ORC3: variants seen among roughly 807,000 people sequenced by gnomAD.
ORC3 encodes homolog of latheo, Drosophila.
Under a neutral mutation model 100.7 loss-of-function variants are expected in ORC3, and 78 were observed. That is an observed-to-expected ratio of 0.77 (90% CI 0.65 to 0.94). The LOEUF is 0.94. ORC3 is among the 40% of genes least tolerant of loss of function. The pLI, the probability that ORC3 is intolerant of heterozygous loss-of-function variation, is 0.00. For synonymous variants in ORC3, 295 were observed against 289.3 expected (o/e 1.02, Z -0.20); for missense variants, 789 against 823.9 (o/e 0.96, Z 0.52).
chr6:87,593,824 G>C (rs1777222597), intron 1 of ORC3, among the ~76,000 whole-genome samples: 1 of 152,228 alleles, frequency 6.6e-6, no homozygotes, highest in African/African-American at 2.4e-5. Flanking sequence ...AGCCTCCCGA[G>C]TAGCTGGGAT....
In ORC3 at chr6:87,651,865, CTGG is replaced by C. The variant is rs1277087933; in HGVS notation, c.1383-1250_1383-1248del. ...AGTTGTATTACAAAATGCCCACATTCTGGATTTGTCTGTTACTTCATGGTTAAT... is the reference window on the plus strand; with the variant it reads ...AGTTGTATTACAAAATGCCCACATTCATTTGTCTGTTACTTCATGGTTAAT... On this transcript the variant is annotated intron_variant, in intron 13 of 19. Transcript: ENST00000392844. Among the ~76,000 whole-genome samples, 25 of 151,080 alleles carry C rather than the reference CTGG, an allele frequency of 1.7e-4. 1 individual carries two copies. The South Asian group carries it at 5.2e-3, about 32-fold the overall frequency.
intron 4 of ORC3, 58 bp downstream of exon 4, chr6:87,603,586 T>G: frequency 1.7e-6 from 2 of 1,193,116 alleles, no homozygotes; most frequent in Non-Finnish European, 2.3e-6. Context: ...TTTTAAATTT[T>G]TTTTTATTGT....
Position 87,640,789 on chromosome 6 carries a change from G to A in ORC3, c.1382+4303G>A, listed in dbSNP as rs183933325. Among the ~76,000 whole-genome samples, 5 of 152,178 alleles carry A rather than the reference G, an allele frequency of 3.3e-5. No homozygotes were observed. In the East Asian group the frequency reaches 9.6e-4, roughly 29 times the overall value. ...AATTCACTGAACCTTGCATAAATAAGGTTTTAAGGGTTATTGTAAATCAGA... is the reference window on the plus strand; with the variant it reads ...AATTCACTGAACCTTGCATAAATAAAGTTTTAAGGGTTATTGTAAATCAGA... On this transcript the variant is annotated intron_variant, in intron 13 of 19. Transcript: ENST00000392844.
rs1449802395 is a variant in ORC3, at chr6:87,645,993, TTC to T, written c.1383-7121_1383-7120del. ...TTTTTTCTTTTTTTTTCTTTTTTTT[TTC>T]TTTTTTTTTGAGGCGGAGTCTTGCG... On this transcript the variant is annotated intron_variant, in intron 13 of 19. Transcript: ENST00000392844. 1.3e-4 allele frequency among the ~76,000 whole-genome samples: 19 copies of T among 145,954 alleles called. 5 individuals are homozygous for T. The highest frequency in any genetic ancestry group is 2.3e-4 in the African/African-American group (9 of 38,682).
the ORC3 span, among the ~76,000 whole-genome samples, chr6:87,672,496 T>C: frequency 2.6e-5 from 4 of 152,206 alleles, no homozygotes; most frequent in African/African-American, 7.2e-5. Context: ...GTGGGAGCCA[T>C]GTATCCATGA....
At position 87,644,726 on chromosome 6, in the gene ORC3, A is replaced by ATAAT. The variant is rs1363938522; in HGVS notation, c.1382+8242_1382+8245dup. ...TAGCCTGGCGTGGTGGCGTGTGCCTATAATTCCAGCTACTCTGGAGACTGA... is the reference window on the plus strand; with the variant it reads ...TAGCCTGGCGTGGTGGCGTGTGCCTATAATTAATTCCAGCTACTCTGGAGACTGA... On this transcript the variant is annotated intron_variant, in intron 13 of 19. Transcript: ENST00000392844. Among the ~76,000 whole-genome samples, 4 of 152,178 alleles carry ATAAT rather than the reference A, an allele frequency of 2.6e-5. No individual in the cohort carries two copies. In the East Asian group the frequency reaches 7.8e-4, roughly 30 times the overall value.
intron 16 of ORC3, among the ~76,000 whole-genome samples, chr6:87,658,324 G>C (rs1349602787): frequency 6.6e-6 from 1 of 152,048 alleles, no homozygotes; most frequent in Admixed American, 6.5e-5. Flanking sequence ...GGGTGTGGTG[G>C]TGGGCACCTG....
At chr6:87,676,584 G>A in the ORC3 span, among the ~76,000 whole-genome samples, 5 of 117,610 alleles carry the variant, frequency 4.3e-5, no homozygotes, top group South Asian at 2.6e-4. Flanking sequence ...GTGAAACCCC[G>A]TCTCTACTAA....
chr6:87,603,014 C>G (rs1328990533), intron 3 of ORC3, among the ~76,000 whole-genome samples: 1 of 133,926 alleles, frequency 7.5e-6, no homozygotes, highest in Non-Finnish European at 1.6e-5. Context: ...AGGTCTTGCT[C>G]TGTCACCCAG....
At chr6:87,675,819 G>A in the ORC3 span, 1 of 1,559,962 alleles carries the variant, frequency 6.4e-7, no homozygotes, top group Non-Finnish European at 8.8e-7. Context: ...TTAAAAGACA[G>A]TCTTATTTTC....
intron 11 of ORC3, among the ~76,000 whole-genome samples, chr6:87,626,659 T>TG (rs1166323869): frequency 4.6e-5 from 7 of 151,990 alleles, no homozygotes; most frequent in African/African-American, 1.4e-4. Flanking sequence ...TGGTGGTGTG[T>TG]GCTTGTTAAC....
At chr6:87,600,546 C>A (rs1353623832) in intron 2 of ORC3, among the ~76,000 whole-genome samples, 2 of 151,836 alleles carry the variant, frequency 1.3e-5, no homozygotes, top group Non-Finnish European at 2.9e-5. Flanking sequence ...GGGAGGAAGA[C>A]CTAAATGTAT....
intron 2 of ORC3, among the ~76,000 whole-genome samples, chr6:87,599,508 C>T (rs967653672): frequency 1.3e-5 from 2 of 152,006 alleles, no homozygotes; most frequent in Non-Finnish European, 2.9e-5. Flanking sequence ...CCTGGGACTA[C>T]AGGTGTATGC....
At chr6:87,613,353 A>G (rs552291259) in intron 8 of ORC3, among the ~76,000 whole-genome samples, 1 of 152,308 alleles carries the variant, frequency 6.6e-6, no homozygotes, top group African/African-American at 2.4e-5. Context: ...CCCATGATTC[A>G]ATTACCGCCC....
At chr6:87,607,602 A>G in intron 5 of ORC3, 71 bp from the exon 6 acceptor site, 1 of 1,257,288 alleles carries the variant, frequency 8.0e-7, no homozygotes, top group Non-Finnish European at 1.1e-6. Flanking sequence ...ACTCAGCAAG[A>G]AGTTTCAAGA....
At position 87,597,668 on chromosome 6, in the gene ORC3, G is replaced by GAT. The variant is rs71021303; in HGVS notation, c.79+3273_79+3274dup. Among the ~76,000 whole-genome samples the GAT allele has an allele frequency of 2.3e-3, 328 of 142,466 alleles. 1 individual carries two copies. Among genetic ancestry groups the GAT allele is most frequent in the African/African-American group, 5.3e-3 (199 of 37,596 alleles). The allele number at this position is 142,466 out of a possible 152,430, so 93.5% of individuals were successfully genotyped here. The stretch of plus-strand genomic sequence containing the variant: ...TAGAATAGGATTTTTTTTAAGTAAT[G>GAT]ATATATATATATACACACACACACA... On this transcript the variant is annotated intron_variant, in intron 2 of 19. Coordinates refer to ENST00000392844, the MANE Select transcript of ORC3 (RefSeq NM_012381.4).
At chr6:87,658,111 T>G in intron 16 of ORC3, 93 bp downstream of exon 16, 4 of 670,456 alleles carry the variant, frequency 6.0e-6, no homozygotes, top group South Asian at 5.3e-5. Flanking sequence ...TCCAGAACAT[T>G]TTTCTCCTAG....
chr6:87,670,283 G>A (rs752332856), downstream of ORC3, among the ~76,000 whole-genome samples: 2 of 151,848 alleles, frequency 1.3e-5, no homozygotes, highest in Non-Finnish European at 2.9e-5. Flanking sequence ...CTCCTGCCTC[G>A]GCCTCCCAAG....
At chr6:87,660,633 G>C (rs984547851) in intron 16 of ORC3, among the ~76,000 whole-genome samples, 6 of 152,224 alleles carry the variant, frequency 3.9e-5, no homozygotes, top group African/African-American at 1.4e-4. Context: ...GATCTTGAGA[G>C]ATGAGAATAA....
Sources: allele counts gnomAD v4.1 joint callset (sites outside exome capture counted in the v4.1 genomes callset), GRCh38; gene constraint gnomAD v4.1.1; transcripts MANE v1.5; gene names NCBI Gene and HGNC (gene_info 2026-07-23, HGNC 2026-07-21).